The following PPP1R8 variants were observed in gnomAD, a reference collection of about 807,000 sequenced individuals.
PPP1R8 encodes the protein protein phosphatase 1 regulatory subunit 8.
Under a neutral mutation model 31.3 loss-of-function variants are expected in PPP1R8, and 4 were observed. The ratio of observed to expected loss-of-function variants is 0.13; its 90% CI spans 0.06 to 0.29. PPP1R8 has a LOEUF of 0.29. PPP1R8 is among the 10% of genes least tolerant of loss of function. PPP1R8 has a pLI of 1.00. For synonymous variants in PPP1R8, 170 were observed against 169.7 expected (o/e 1.00, Z -0.01); for missense variants, 254 against 440.1 (o/e 0.58, Z 3.78).
chr1:27,850,403 A>G lies in PPP1R8; in HGVS notation c.1013A>G (p.Glu338Gly). The change falls in exon 7 of 7, where the codon GAG (glutamate) becomes GGG (glycine). Residue 338 changes from glutamate to glycine, a missense_variant. This residue lies in a region of PPP1R8 where 3 missense variants were observed against 22.3 expected (regional missense o/e 0.13). Transcript: ENST00000311772. ...CCCAAGAAGAAGAAATATGCAAAAGAGGCTTGGCCAGGCAAGAAGCCCACA... is the reference window on the plus strand; with the variant it reads ...CCCAAGAAGAAGAAATATGCAAAAGGGGCTTGGCCAGGCAAGAAGCCCACA... ...NEPKKKKYAK[E>G]AWPGKKPTPS... 1.4e-6 allele frequency: 2 copies of G among 1,401,712 alleles called. No individual in the cohort carries two copies. The highest frequency in any genetic ancestry group is 1.9e-6 in the Non-Finnish European group (2 of 1,045,864). 86.8% of individuals were successfully genotyped at this position (1,401,712 alleles called of 1,614,324 possible).
intron 6 of PPP1R8, 51 bp downstream of exon 6, chr1:27,847,143 T>C (rs747790911): frequency 4.3e-5 from 67 of 1,568,660 alleles, no homozygotes; most frequent in Non-Finnish European, 5.7e-5. Context: ...ACCTGCTCTT[T>C]AGGCCAGGCG....
chr1:27,844,178 T>C (rs114843874), intron 5 of PPP1R8, among the ~76,000 whole-genome samples: 3,411 of 152,124 alleles, frequency 0.022, 110 homozygotes, highest in African/African-American at 0.076. Context: ...AATTGTCATA[T>C]GTTTTGTAGA....
In PPP1R8 at chr1:27,843,286, A is replaced by G. The variant is rs749190373; in HGVS notation, c.593A>G (p.Asn198Ser). Residue 198 changes from asparagine (N) to serine (S), a missense_variant, in exon 5 of 7, where the codon AAC becomes AGC. Asn to Ser is a conservative substitution (Grantham distance 46). Coordinates refer to ENST00000311772, the MANE Select transcript of PPP1R8 (RefSeq NM_014110.5). ...DIQRPKRKRK[N>S]SRVTFSEDDE... ...CAAAGACCAAAGAGGAAGAGGAAGA[A>G]CTCACGGGTGACATTCAGTGAGGAT... 17 of 1,614,060 alleles carry G rather than the reference A, an allele frequency of 1.1e-5. No homozygotes were observed. The highest frequency in any genetic ancestry group is 1.7e-5 in the Admixed American group (1 of 60,000).
intron 2 of PPP1R8, among the ~76,000 whole-genome samples, chr1:27,837,882 C>G (rs1432310061): frequency 6.6e-6 from 1 of 151,810 alleles, no homozygotes; most frequent in East Asian, 1.9e-4. Context: ...CAAGACCAAC[C>G]TGGCCAGTAT....
rs1362526830 is a variant in PPP1R8 at position 27,851,389 on chromosome 1, A to G, written c.*943A>G. 1 of 361,164 alleles carries G rather than the reference A, an allele frequency of 2.8e-6. No homozygotes were observed. Among genetic ancestry groups the G allele is most frequent in the Non-Finnish European group, 5.6e-6 (1 of 179,096 alleles). The allele number at this position is 361,164 out of a possible 1,614,324, so 22.4% of individuals were successfully genotyped here. On this transcript the variant is annotated 3_prime_UTR_variant, in exon 7 of 7. Coordinates refer to ENST00000311772, the MANE Select transcript of PPP1R8 (RefSeq NM_014110.5). The stretch of plus-strand genomic sequence containing the variant: ...CCAAGACTAGACCTGGCTAACAAAC[A>G]TAGGAGACAAAGTTAGGAAACATTG...
chr1:27,832,613 A>T, intron 1 of PPP1R8, 143 bp from the exon 2 acceptor site: 1 of 611,846 alleles, frequency 1.6e-6, no homozygotes, highest in Non-Finnish European at 2.8e-6. Context: ...GAGCTGTAAT[A>T]ACAGTGAAGT....
At chr1:27,843,449 G>C in intron 5 of PPP1R8, 119 bp downstream of exon 5, 2 of 1,262,966 alleles carry the variant, frequency 1.6e-6, no homozygotes, top group East Asian at 2.4e-5. Context: ...TTAAGGTCAA[G>C]AGTTCAAGAC....
intron 3 of PPP1R8, among the ~76,000 whole-genome samples, chr1:27,840,762 G>A (rs539185584): frequency 3.6e-4 from 55 of 152,286 alleles, no homozygotes; most frequent in African/African-American, 1.3e-3. Flanking sequence ...CTCAGTGAGG[G>A]AGTTTCCTTC....
chr1:27,848,832 T>A (rs981771014), intron 6 of PPP1R8, among the ~76,000 whole-genome samples: 3 of 152,168 alleles, frequency 2.0e-5, no homozygotes, highest in Non-Finnish European at 4.4e-5. Context: ...AAGTACAAAA[T>A]CAACAGGTGT....
intron 1 of PPP1R8, 174 bp downstream of exon 1, chr1:27,831,065 C>CTGGA (rs1484794836): frequency 7.2e-7 from 1 of 1,387,432 alleles, no homozygotes; most frequent in African/African-American, 1.5e-5. Context: ...AACCGAGAGC[C>CTGGA]TGGAGCCCAG....
rs1207642294 is a variant in PPP1R8 at position 27,841,769 on chromosome 1, T to C, written c.492+535T>C. On this transcript the variant is annotated intron_variant, in intron 4 of 6. Coordinates refer to ENST00000311772, the MANE Select transcript of PPP1R8 (RefSeq NM_014110.5). The stretch of plus-strand genomic sequence containing the variant: ...CTGAACAGTCCAGGAATCTTCTGAA[T>C]AGAGCCAGACTGCTTTTGTTCTTCC... Among the ~76,000 whole-genome samples the C allele has an allele frequency of 3.3e-5, 5 of 152,216 alleles. No homozygotes were observed. The East Asian group carries it at 9.6e-4, about 29-fold the overall frequency.
At chr1:27,831,685 G>A (rs1232995254) in intron 1 of PPP1R8, among the ~76,000 whole-genome samples, 1 of 152,128 alleles carries the variant, frequency 6.6e-6, no homozygotes, top group African/African-American at 2.4e-5. Context: ...CCTGAGTCAG[G>A]CACATAGTAG....
Position 27,850,525 on chromosome 1 carries a change from A to G in PPP1R8, c.*79A>G. On this transcript the variant is annotated 3_prime_UTR_variant, in exon 7 of 7. Coordinates refer to ENST00000311772, the MANE Select transcript of PPP1R8 (RefSeq NM_014110.5). ...ATGGGGAGCTAATGAACTAGGGAGA[A>G]AAACTTTCCATGTGTGCGGTATCGT... 8 of 1,283,364 alleles carry G rather than the reference A, an allele frequency of 6.2e-6. No homozygotes were observed. The highest frequency in any genetic ancestry group is 7.5e-6 in the Non-Finnish European group (7 of 931,612). The allele number at this position is 1,283,364 out of a possible 1,614,324, so 79.5% of individuals were successfully genotyped here.
At chr1:27,846,321 GA>G (rs2089280355) in intron 5 of PPP1R8, among the ~76,000 whole-genome samples, 1 of 152,224 alleles carries the variant, frequency 6.6e-6, no homozygotes, top group Non-Finnish European at 1.5e-5. Flanking sequence ...CTGTGCTCCA[GA>G]AACACTGTTG....
At chr1:27,843,640 A>AT (rs2089243838) in intron 5 of PPP1R8, among the ~76,000 whole-genome samples, 1 of 147,284 alleles carries the variant, frequency 6.8e-6, no homozygotes, top group East Asian at 2.2e-4. Context: ...TGCCTAGGTG[A>AT]CAAAAAAAAA....
rs755167139 is a variant in PPP1R8 at position 27,847,002 on chromosome 1, A to T, written c.638-26A>T. ...ATTCCTCCCAGTAAAGTACCAACCC[A>T]ACCCTGCCCTCTTCTCTTTTTGCAG... On this transcript the variant is annotated intron_variant, in intron 5 of 6. Transcript: ENST00000311772. 4.4e-6 allele frequency: 7 copies of T among 1,609,124 alleles called. No homozygotes were observed. In the Admixed American group the frequency reaches 8.3e-5, roughly 19 times the overall value.
chr1:27,838,568 CA>C, intron 2 of PPP1R8, 130 bp from the exon 3 acceptor site: 1 of 497,766 alleles, frequency 2.0e-6, no homozygotes, highest in South Asian at 6.2e-5. Flanking sequence ...TTTTTTGATG[CA>C]AGGAGATGGA....
chr1:27,839,209 C>T (rs368510198), intron 3 of PPP1R8, among the ~76,000 whole-genome samples: 1 of 152,072 alleles, frequency 6.6e-6, no homozygotes, highest in Non-Finnish European at 1.5e-5. Context: ...GGTGACAGAA[C>T]AAGACCCCAT....
At chr1:27,836,397 G>A (rs1173684291) in intron 2 of PPP1R8, among the ~76,000 whole-genome samples, 4 of 152,048 alleles carry the variant, frequency 2.6e-5, no homozygotes, top group Non-Finnish European at 5.9e-5. Context: ...GGTATAGCAA[G>A]TTTTTTATTT....
Sources: gnomAD v4.1 joint callset for allele counts (sites outside exome capture counted in the v4.1 genomes callset) on GRCh38, gnomAD v4.1.1 for gene constraint, gnomAD v4.1.1 regional missense constraint, MANE v1.5 for transcripts, NCBI Gene and HGNC (gene_info 2026-07-23, HGNC 2026-07-21) for gene names.